Variants in ADGRL2 observed in about 807,000 individuals in gnomAD.
ADGRL2 encodes the protein adhesion G protein-coupled receptor L2, also known as calcium-independent alpha-latrotoxin receptor 2.
In ADGRL2, 44 loss-of-function variants were observed where a neutral mutation model predicts 157.4. The ratio of observed to expected loss-of-function variants is 0.28; its 90% CI spans 0.22 to 0.36. The LOEUF is 0.36. Among genes scored for constraint, ADGRL2 ranks in the 10% least tolerant of loss-of-function variants. The pLI, the probability that ADGRL2 is intolerant of heterozygous loss-of-function variation, is 1.00. For synonymous variants in ADGRL2, 585 were observed against 624.7 expected, an observed-to-expected ratio of 0.94 and a Z score of 0.95; for missense variants, 1,510 against 1,768.9, an observed-to-expected ratio of 0.85 and a Z score of 2.63.
intron 1 of ADGRL2, among the ~76,000 whole-genome samples, chr1:81,326,366 A>G (rs892785069): frequency 1.3e-5 from 2 of 152,242 alleles, no homozygotes; most frequent in African/African-American, 4.8e-5. Flanking sequence ...TGTTAAGACT[A>G]GGGCAGTGAC....
chr1:81,363,785 A>C (rs7543636), intron 1 of ADGRL2, among the ~76,000 whole-genome samples: 136,603 of 152,096 alleles, frequency 0.9, 61,747 homozygotes, highest in East Asian at 0.99. Context: ...ATATCTGAAA[A>C]CTGTATAATC....
In ADGRL2 at chr1:81,769,127, T is replaced by C. The variant is rs181719720; in HGVS notation, c.-101+7275T>C. On this transcript the variant is annotated intron_variant, in intron 2 of 20. Coordinates refer to the ADGRL2 transcript ENST00000359929. ...CTTCTACTAACTGATTTGTAGATAA[T>C]ATCTGTACTAATCTACTGTTTTTTA... 5.6e-4 allele frequency among the ~76,000 whole-genome samples: 85 copies of C among 152,292 alleles called. 1 individual carries two copies. Among genetic ancestry groups the C allele is most frequent in the African/African-American group, 2.0e-3 (82 of 41,578 alleles).
At chr1:81,621,979 T>C (rs1156532723) in intron 3 of ADGRL2, among the ~76,000 whole-genome samples, 1 of 152,192 alleles carries the variant, frequency 6.6e-6, no homozygotes, top group Non-Finnish European at 1.5e-5. Context: ...GGTTCCACCG[T>C]AGGTTGAAAG....
At chr1:81,397,056 A>T (rs2076667477) in intron 1 of ADGRL2, among the ~76,000 whole-genome samples, 1 of 152,138 alleles carries the variant, frequency 6.6e-6, no homozygotes, top group South Asian at 2.1e-4. Context: ...ATTGGTATTC[A>T]TTCTCCTTTA....
chr1:81,709,578 AT>A (rs879547718), intron 1 of ADGRL2, among the ~76,000 whole-genome samples: 69 of 149,978 alleles, frequency 4.6e-4, no homozygotes, highest in South Asian at 1.3e-3. Flanking sequence ...TTTGGAGTTT[AT>A]TTTTTTTTTA....
intron 1 of ADGRL2, among the ~76,000 whole-genome samples, chr1:81,342,693 A>G (rs1357199544): frequency 1.3e-5 from 2 of 152,178 alleles, no homozygotes; most frequent in Non-Finnish European, 2.9e-5. Context: ...TAATACACAT[A>G]TTAAGTATCT....
intron 1 of ADGRL2, among the ~76,000 whole-genome samples, chr1:81,444,595 G>C (rs530502314): frequency 3.9e-4 from 60 of 152,250 alleles, no homozygotes; most frequent in Non-Finnish European, 6.9e-4. Context: ...AAAGAAACAG[G>C]GTTCCGAAGA....
chr1:81,636,149 C>T (rs776487283), intron 3 of ADGRL2, among the ~76,000 whole-genome samples: 1 of 152,102 alleles, frequency 6.6e-6, no homozygotes, highest in Non-Finnish European at 1.5e-5. Context: ...ATGTACTCCT[C>T]CCCTGGCTGC....
intron 3 of ADGRL2, among the ~76,000 whole-genome samples, chr1:81,636,422 A>G (rs941321243): frequency 6.6e-6 from 1 of 152,130 alleles, no homozygotes; most frequent in Non-Finnish European, 1.5e-5. Flanking sequence ...TTTATGATAA[A>G]ATAAGTGTTC....
chr1:81,722,806 G>A, intron 1 of ADGRL2: 1 of 721,856 alleles, frequency 1.4e-6, no homozygotes, highest in South Asian at 1.5e-5. Context: ...ACCACAGTCA[G>A]AAGCTCACTA....
intron 1 of ADGRL2, among the ~76,000 whole-genome samples, chr1:81,349,561 C>G (rs1365999522): frequency 6.7e-6 from 1 of 149,624 alleles, no homozygotes; most frequent in African/African-American, 2.5e-5. Flanking sequence ...TTCTACCCCA[C>G]CCCCACCTAT....
intron 2 of ADGRL2, among the ~76,000 whole-genome samples, chr1:81,475,587 A>G (rs1406678197): frequency 6.6e-6 from 1 of 152,216 alleles, no homozygotes; most frequent in Non-Finnish European, 1.5e-5. Context: ...GGGAAAAAGA[A>G]TGCTAAAACC....
intron 1 of ADGRL2, among the ~76,000 whole-genome samples, chr1:81,359,528 C>T (rs1486124005): frequency 1.3e-5 from 2 of 152,002 alleles, no homozygotes; most frequent in African/African-American, 2.4e-5. Context: ...ATTCAGTATA[C>T]AGCATTAATA....
At chr1:81,416,601 G>A (rs1052237266) in intron 1 of ADGRL2, among the ~76,000 whole-genome samples, 1 of 151,980 alleles carries the variant, frequency 6.6e-6, no homozygotes, top group Admixed American at 6.6e-5. Flanking sequence ...CATCCAAATG[G>A]TATTTGTCTT....
chr1:81,925,939 C>T (rs1026296081), intron 3 of ADGRL2, among the ~76,000 whole-genome samples: 2 of 151,894 alleles, frequency 1.3e-5, no homozygotes, highest in African/African-American at 4.8e-5. Flanking sequence ...AAACCAAGGG[C>T]GTAATCTTTA....
intron 3 of ADGRL2, among the ~76,000 whole-genome samples, chr1:81,586,534 A>C (rs1399908159): frequency 1.3e-5 from 2 of 152,102 alleles, no homozygotes; most frequent in Non-Finnish European, 2.9e-5. Context: ...TTAATAATAT[A>C]CTGGGTTTGA....
At chr1:81,697,726 G>T (rs2083474563), upstream of ADGRL2, among the ~76,000 whole-genome samples, 1 of 152,178 alleles carries the variant, frequency 6.6e-6, no homozygotes, top group Non-Finnish European at 1.5e-5. Flanking sequence ...GATGGAAAAA[G>T]TTGTAAGAGG....
intron 2 of ADGRL2, among the ~76,000 whole-genome samples, chr1:81,770,237 A>C (rs2086303253): frequency 7.5e-6 from 1 of 133,774 alleles, no homozygotes; most frequent in Non-Finnish European, 1.5e-5. Flanking sequence ...ATTTCTGCTC[A>C]CTGCAACCTC....
intron 3 of ADGRL2, among the ~76,000 whole-genome samples, chr1:81,616,071 G>T (rs2081640688): frequency 8.5e-6 from 1 of 117,104 alleles, no homozygotes; most frequent in East Asian, 2.9e-4. Flanking sequence ...GGCCTGAAAC[G>T]GAGTCAGCCT....
Sources: gnomAD v4.1 joint callset for allele counts (sites outside exome capture counted in the v4.1 genomes callset) on GRCh38, gnomAD v4.1.1 for gene constraint, MANE v1.5 for transcripts, NCBI Gene and HGNC (gene_info 2026-07-23, HGNC 2026-07-21) for gene names.